ABL2: variants seen among roughly 807,000 people sequenced by gnomAD.
The protein encoded by ABL2 is tyrosine-protein kinase ABL2.
Under a neutral mutation model 107.7 loss-of-function variants are expected in ABL2, and 49 were observed. The observed-to-expected ratio is 0.45, with a 90% CI of 0.36 to 0.58. The LOEUF (loss-of-function observed/expected upper bound fraction) is 0.58, where lower values mean the gene tolerates loss of function less well. Ranked by LOEUF, ABL2 falls within the 20% of genes least tolerant of loss-of-function variation. The probability of loss-of-function intolerance (pLI) is 0.00; values close to 1 mark genes in which losing one functional copy is unlikely to be tolerated. For synonymous variants in ABL2, 549 were observed against 548.6 expected (o/e 1.00, Z -0.01); for missense variants, 1,245 against 1,457.0 (o/e 0.85, Z 2.37).
At chr1:179,134,373 C>T (rs1041326017) in intron 1 of ABL2, among the ~76,000 whole-genome samples, 3 of 152,146 alleles carry the variant, frequency 2.0e-5, no homozygotes, top group African/African-American at 7.2e-5. Context: ...TAGTGAAAAA[C>T]CCCATCTCTA....
At chr1:179,213,442 T>A (rs1177013552) in intron 1 of ABL2, among the ~76,000 whole-genome samples, 1 of 152,114 alleles carries the variant, frequency 6.6e-6, no homozygotes, top group African/African-American at 2.4e-5. Flanking sequence ...GAGATGGGAT[T>A]ACAGGCATGA....
chr1:179,223,678 C>A (rs1346629563), intron 1 of ABL2, among the ~76,000 whole-genome samples: 2 of 150,912 alleles, frequency 1.3e-5, no homozygotes, highest in East Asian at 1.9e-4. Flanking sequence ...GATTGGCACT[C>A]AAGAAAAAAA....
At chr1:179,220,887 A>G (rs548957962) in intron 1 of ABL2, 7 of 167,096 alleles carry the variant, frequency 4.2e-5, no homozygotes, top group Non-Finnish European at 9.4e-5. Flanking sequence ...GATCTCTCAC[A>G]TGGGGTCTCC....
At chr1:179,165,280 A>G (rs1027106844) in intron 1 of ABL2, among the ~76,000 whole-genome samples, 2 of 152,208 alleles carry the variant, frequency 1.3e-5, no homozygotes, top group Admixed American at 6.5e-5. Flanking sequence ...GAAGGATGAG[A>G]TCTGTGTCCC....
intron 1 of ABL2, among the ~76,000 whole-genome samples, chr1:179,164,010 G>T (rs1252856712): frequency 1.3e-5 from 2 of 152,176 alleles, no homozygotes; most frequent in African/African-American, 2.4e-5. Flanking sequence ...AACTCTAGTG[G>T]TGGAGAACAC....
rs1312561316 is a variant in ABL2, at chr1:179,104,741, G to A, written c.*2977C>T. ...AATCTAAACTGAAGTAATATTATCT[G>A]TACATGAAAGGAATCAAGCAGTGGC... On this transcript the variant is annotated 3_prime_UTR_variant, in exon 12 of 12. Transcript: ENST00000502732. 1 of 216,146 alleles carries A rather than the reference G, an allele frequency of 4.6e-6. No homozygotes were observed. Among genetic ancestry groups the A allele is most frequent in the Admixed American group, 5.8e-5 (1 of 17,178 alleles). The allele number at this position is 216,146 out of a possible 1,614,324, so 13.4% of individuals were successfully genotyped here.
chr1:179,166,784 A>AG (rs1012722662), intron 1 of ABL2, among the ~76,000 whole-genome samples: 2 of 151,744 alleles, frequency 1.3e-5, no homozygotes, highest in Non-Finnish European at 2.9e-5. Flanking sequence ...CTCAAAAAAA[A>AG]AAAAAAAAAA....
At chr1:179,171,844 G>A (rs1659744225) in intron 1 of ABL2, among the ~76,000 whole-genome samples, 1 of 152,140 alleles carries the variant, frequency 6.6e-6, no homozygotes, top group Non-Finnish European at 1.5e-5. Flanking sequence ...ATGTATCCAG[G>A]AAACTCTAGC....
rs2102566126 is a variant in ABL2 at position 179,105,295 on chromosome 1, A to G, written c.*2423T>C. 1 of 231,276 alleles carries G rather than the reference A, an allele frequency of 4.3e-6. No homozygotes were observed. Among genetic ancestry groups the G allele is most frequent in the East Asian group, 6.1e-5 (1 of 16,348 alleles). The allele number at this position is 231,276 out of a possible 1,614,324, so 14.3% of individuals were successfully genotyped here. ...GGCTTAGTTCCAGAACTCTCAAGGG[A>G]AAATAGAGCCCTTGCTTAAAAAACA... On this transcript the variant is annotated 3_prime_UTR_variant, in exon 12 of 12. Transcript: ENST00000502732.
At chr1:179,205,528 C>A (rs1028318523) in intron 1 of ABL2, among the ~76,000 whole-genome samples, 8 of 152,226 alleles carry the variant, frequency 5.3e-5, no homozygotes, top group African/African-American at 1.7e-4. Flanking sequence ...GCAATGCTAA[C>A]TGCCAGCTTT....
chr1:179,117,188 T>TTA (rs1654728281), intron 8 of ABL2, 144 bp downstream of exon 8: 1 of 865,756 alleles, frequency 1.2e-6, no homozygotes, highest in African/African-American at 1.7e-5. Flanking sequence ...TAGGAGGTAT[T>TTA]TAACAAATGC....
chr1:179,121,125 G>A lies in ABL2; in HGVS notation c.960+470C>T, dbSNP rs28914536. On this transcript the variant is annotated intron_variant, in intron 5 of 11. Coordinates refer to ENST00000502732, the MANE Select transcript of ABL2 (RefSeq NM_007314.4). ...AAACCTTATAATTTGATACTGGGAT[G>A]TTTAAAGGAGACATATAGTAGTACT... 2.3e-4 allele frequency among the ~76,000 whole-genome samples: 35 copies of A among 152,282 alleles called. No individual in the cohort carries two copies. The East Asian group carries it at 6.4e-3, about 28-fold the overall frequency.
At chr1:179,135,259 G>A (rs951148584) in intron 1 of ABL2, among the ~76,000 whole-genome samples, 2 of 150,586 alleles carry the variant, frequency 1.3e-5, no homozygotes, top group African/African-American at 2.5e-5. Context: ...ATCTCTGCCC[G>A]GGCCGCCATC....
In ABL2 at chr1:179,107,994, T is replaced by C; in HGVS notation, c.3273A>G (p.Glu1091=). The C allele has an allele frequency of 6.2e-7, 1 of 1,614,250 alleles. No individual in the cohort carries two copies. Among genetic ancestry groups the C allele is most frequent in the Non-Finnish European group, 8.5e-7 (1 of 1,180,046 alleles). ...ADKISKEALL[E]CADLLSSALT... The stretch of plus-strand genomic sequence containing the variant: ...GTGCACTGGACAGTAGGTCAGCACA[T>C]TCCAGCAGGGCCTCTTTGCTGATTT... The change falls in exon 12 of 12, where the codon GAA becomes GAG. Residue 1091 remains glutamate, a synonymous_variant. Coordinates refer to ENST00000502732, the MANE Select transcript of ABL2 (RefSeq NM_007314.4).
chr1:179,117,143 T>C (rs1572627175), intron 8 of ABL2, 189 bp downstream of exon 8: 2 of 647,570 alleles, frequency 3.1e-6, no homozygotes, highest in South Asian at 2.0e-5. Context: ...CCTATACTTC[T>C]GTTTATGCAA....
chr1:179,191,413 CTTTTTT>C (rs35362624), intron 1 of ABL2, among the ~76,000 whole-genome samples: 16 of 77,188 alleles, frequency 2.1e-4, no homozygotes, highest in African/African-American at 6.8e-4. Context: ...TATGAAATCC[CTTTTTT>C]TTTTTTTTTT....
At chr1:179,110,152 G>T in intron 11 of ABL2, 130 bp downstream of exon 11, 3 of 1,096,734 alleles carry the variant, frequency 2.7e-6, no homozygotes, top group Non-Finnish European at 4.1e-6. Flanking sequence ...GGGCTTCATG[G>T]GTGGGTAAAA....
intron 10 of ABL2, chr1:179,110,821 G>A (rs368285836): frequency 3.0e-5 from 49 of 1,613,818 alleles, no homozygotes; most frequent in South Asian, 2.9e-4. Flanking sequence ...TGTTATGCAC[G>A]TCTGATTGGC....
chr1:179,136,743 A>AATAAATAAATAAAT (rs775233546), intron 1 of ABL2, among the ~76,000 whole-genome samples: 2 of 80,316 alleles, frequency 2.5e-5, no homozygotes, highest in Non-Finnish European at 5.9e-5. Flanking sequence ...TAAATAAATA[A>AATAAATAAATAAAT]AAATAAAAAT....
Sources: gnomAD v4.1 joint callset for allele counts (sites outside exome capture counted in the v4.1 genomes callset) on GRCh38, gnomAD v4.1.1 for gene constraint, MANE v1.5 for transcripts, NCBI Gene and HGNC (gene_info 2026-07-23, HGNC 2026-07-21) for gene names.